Variants in FTCDNL1 observed in about 807,000 individuals in gnomAD.
FTCDNL1 encodes the protein formiminotransferase N-terminal subdomain-containing protein.
A neutral mutation model predicts 5.9 loss-of-function variants in FTCDNL1; 11 were observed. The observed-to-expected ratio is 1.87, with a 90% CI of 1.18 to 3.10. The LOEUF (loss-of-function observed/expected upper bound fraction) is 3.10, where lower values mean the gene tolerates loss of function less well. FTCDNL1 is among the 30% of genes most tolerant of loss of function. The probability of loss-of-function intolerance (pLI) is 0.00; values close to 1 mark genes in which losing one functional copy is unlikely to be tolerated. For synonymous variants in FTCDNL1, 58 were observed against 24.8 expected, an observed-to-expected ratio of 2.34 and a Z score of -3.99; for missense variants, 115 against 65.5, an observed-to-expected ratio of 1.76 and a Z score of -2.61.
At chr2:199,775,776 T>C (rs930156867) in intron 3 of FTCDNL1, among the ~76,000 whole-genome samples, 12 of 152,200 alleles carry the variant, frequency 7.9e-5, no homozygotes, top group African/African-American at 2.7e-4. Context: ...GAGGACCTTA[T>C]AGGTTCCAGG....
At chr2:199,666,583 C>T in the FTCDNL1 span, among the ~76,000 whole-genome samples, 1 of 152,152 alleles carries the variant, frequency 6.6e-6, no homozygotes, top group Admixed American at 6.5e-5. Context: ...CCTCAGAACT[C>T]TTGGTTTTAG....
Position 199,760,838 on chromosome 2 carries a change from G to A in FTCDNL1, c.212-3C>T, listed in dbSNP as rs900347658. On this transcript the variant is annotated splice_polypyrimidine_tract_variant and splice_region_variant and intron_variant, in intron 3 of 3. Transcript: ENST00000416668. ...TTAGGCTTGGTTGCGCTTGTCCACTGGGAATAAGGGAAGGAGAGATTAGTA... is the reference window on the plus strand; with the variant it reads ...TTAGGCTTGGTTGCGCTTGTCCACTAGGAATAAGGGAAGGAGAGATTAGTA... 2.3e-5 allele frequency: 16 copies of A among 702,182 alleles called. No homozygotes were observed. The African/African-American group carries it at 2.4e-4, about 11-fold the overall frequency. The allele number at this position is 702,182 out of a possible 1,614,324, so 43.5% of individuals were successfully genotyped here. A position where few individuals can be genotyped will look rare whatever the true frequency, so the allele number is the denominator to read the frequency against.
the FTCDNL1 span, among the ~76,000 whole-genome samples, chr2:199,729,867 G>T: frequency 6.6e-6 from 1 of 152,094 alleles, no homozygotes; most frequent in African/African-American, 2.4e-5. Context: ...ATTTTATACG[G>T]AACCAAAAGA....
the FTCDNL1 span, among the ~76,000 whole-genome samples, chr2:199,722,795 T>G: frequency 6.6e-6 from 1 of 152,210 alleles, no homozygotes; most frequent in Non-Finnish European, 1.5e-5. Context: ...CTCTCTGATT[T>G]CCTTGAGCAG....
chr2:199,788,715 A>G (rs1472440040), intron 3 of FTCDNL1, among the ~76,000 whole-genome samples: 2 of 152,082 alleles, frequency 1.3e-5, no homozygotes, highest in Non-Finnish European at 2.9e-5. Context: ...TAGACCCCCA[A>G]GTCTGAAAGA....
At chr2:199,729,367 G>C in the FTCDNL1 span, among the ~76,000 whole-genome samples, 2 of 152,310 alleles carry the variant, frequency 1.3e-5, no homozygotes, top group African/African-American at 2.4e-5. Context: ...TCAGGCAAGA[G>C]AAAGAAATAA....
At chr2:199,846,659 C>T (rs2076741162) in intron 2 of FTCDNL1, among the ~76,000 whole-genome samples, 1 of 152,156 alleles carries the variant, frequency 6.6e-6, no homozygotes, top group African/African-American at 2.4e-5. Context: ...ATGCACCTGT[C>T]CATTAGAAAC....
At chr2:199,771,625 T>A (rs1168514935) in intron 3 of FTCDNL1, among the ~76,000 whole-genome samples, 2 of 152,222 alleles carry the variant, frequency 1.3e-5, no homozygotes, top group Non-Finnish European at 2.9e-5. Flanking sequence ...GAAAAGTATG[T>A]CATAATTTAA....
At chr2:199,750,580 T>G in the FTCDNL1 span, among the ~76,000 whole-genome samples, 118,630 of 152,054 alleles carry the variant, frequency 0.78, 49,018 homozygotes, top group South Asian at 0.96. Flanking sequence ...AAAGAAATAT[T>G]GATGCTCTGC....
At position 199,822,851 on chromosome 2, in the gene FTCDNL1, G is replaced by GT. The variant is rs1553547404; in HGVS notation, c.212-3095dup. On this transcript the variant is annotated intron_variant, in intron 3 of 4. Transcript: ENST00000420128. The stretch of plus-strand genomic sequence containing the variant: ...ACTCCTCATCCGTTCTAGTTGTTGG[G>GT]TTTTTTTGTTTGTTTTGGAGACAGC... Among the ~76,000 whole-genome samples the GT allele has an allele frequency of 3.3e-5, 5 of 151,822 alleles. No homozygotes were observed. In the South Asian group the frequency reaches 8.3e-4, roughly 25 times the overall value.
At chr2:199,798,558 T>C (rs1359804200) in intron 3 of FTCDNL1, among the ~76,000 whole-genome samples, 1 of 152,188 alleles carries the variant, frequency 6.6e-6, no homozygotes, top group Non-Finnish European at 1.5e-5. Context: ...ATCTGAGACA[T>C]TTCCCTCACT....
chr2:199,702,742 T>A, the FTCDNL1 span, among the ~76,000 whole-genome samples: 1 of 152,102 alleles, frequency 6.6e-6, no homozygotes, highest in African/African-American at 2.4e-5. Flanking sequence ...CAAATAGTGA[T>A]AAAACACTGT....
chr2:199,810,233 C>T lies in FTCDNL1; in HGVS notation c.*2472G>A, dbSNP rs570331062. Among the ~76,000 whole-genome samples the T allele has an allele frequency of 2.6e-5, 4 of 152,228 alleles. No homozygotes were observed. The South Asian group carries it at 8.3e-4, about 32-fold the overall frequency. On this transcript the variant is annotated 3_prime_UTR_variant, in exon 5 of 5. Transcript: ENST00000420128. ...GGAGTAAATCACACCTCTGTACCCA[C>T]CACTCCCTCTCTCCGAAACAAACTC...
intron 3 of FTCDNL1, among the ~76,000 whole-genome samples, chr2:199,802,588 T>C (rs1700512188): frequency 6.6e-6 from 1 of 152,160 alleles, no homozygotes; most frequent in African/African-American, 2.4e-5. Flanking sequence ...TGGTGGCAAT[T>C]TTCCTCCCTG....
the FTCDNL1 span, among the ~76,000 whole-genome samples, chr2:199,710,582 A>C: frequency 6.6e-6 from 1 of 152,110 alleles, no homozygotes; most frequent in African/African-American, 2.4e-5. Context: ...ACTGTATAAT[A>C]TTTTTCTTTA....
At chr2:199,688,702 T>G in the FTCDNL1 span, among the ~76,000 whole-genome samples, 1,677 of 152,312 alleles carry the variant, frequency 0.011, 34 homozygotes, top group African/African-American at 0.038. Flanking sequence ...AGTTTTTTAT[T>G]TATAAAACAG....
chr2:199,744,319 A>G, the FTCDNL1 span, among the ~76,000 whole-genome samples: 1 of 152,184 alleles, frequency 6.6e-6, no homozygotes, highest in Non-Finnish European at 1.5e-5. Context: ...TAGGCAGGTA[A>G]TTAAGATTAA....
At chr2:199,791,954 T>C (rs1699949598) in intron 3 of FTCDNL1, among the ~76,000 whole-genome samples, 1 of 152,136 alleles carries the variant, frequency 6.6e-6, no homozygotes. Context: ...CTAATTTCCA[T>C]AACAGTACTA....
chr2:199,825,806 C>A (rs529535152), intron 3 of FTCDNL1, among the ~76,000 whole-genome samples: 2 of 152,238 alleles, frequency 1.3e-5, no homozygotes, highest in South Asian at 4.2e-4. Context: ...TATAGATTAC[C>A]AGGTCTGGAG....
Sources: gnomAD v4.1 joint callset for allele counts (sites outside exome capture counted in the v4.1 genomes callset) on GRCh38, gnomAD v4.1.1 for gene constraint, MANE v1.5 for transcripts, NCBI Gene and HGNC (gene_info 2026-07-23, HGNC 2026-07-21) for gene names.